The following SNX13 variants were observed in gnomAD, a reference collection of about 807,000 sequenced individuals.
SNX13 encodes sorting nexin-13.
A neutral mutation model predicts 133.6 loss-of-function variants in SNX13; 45 were observed. The observed-to-expected ratio is 0.34, with a 90% CI of 0.27 to 0.43. The LOEUF is 0.43. SNX13 is among the 20% of genes least tolerant of loss of function. The probability of loss-of-function intolerance (pLI) is 1.00; values close to 1 mark genes in which losing one functional copy is unlikely to be tolerated. For synonymous variants in SNX13, 414 were observed against 373.9 expected, an observed-to-expected ratio of 1.11 and a Z score of -1.24; for missense variants, 1,032 against 1,145.1, an observed-to-expected ratio of 0.90 and a Z score of 1.43.
intron 5 of SNX13, chr7:17,882,868 AG>A (rs1481453007): frequency 1.6e-6 from 2 of 1,283,616 alleles, no homozygotes; most frequent in South Asian, 1.3e-5. Context: ...TAAACAAAAC[AG>A]GGTTCCAGGA....
At chr7:17,927,245 G>GTA (rs112102586) in intron 1 of SNX13, among the ~76,000 whole-genome samples, 99 of 148,282 alleles carry the variant, frequency 6.7e-4, no homozygotes, top group Middle Eastern at 3.5e-3. Flanking sequence ...ATATATATAT[G>GTA]TATATATATA....
intron 1 of SNX13, among the ~76,000 whole-genome samples, chr7:17,929,016 T>C (rs1052796580): frequency 3.3e-5 from 5 of 151,908 alleles, no homozygotes; most frequent in Admixed American, 2.0e-4. Context: ...TAACAAAAAA[T>C]AGAAGTTAAA....
At chr7:17,908,603 T>C (rs959321509) in intron 1 of SNX13, among the ~76,000 whole-genome samples, 2 of 152,232 alleles carry the variant, frequency 1.3e-5, no homozygotes, top group African/African-American at 4.8e-5. Flanking sequence ...ACAATAGTTA[T>C]TTATGCATAT....
intron 1 of SNX13, among the ~76,000 whole-genome samples, chr7:17,904,370 C>T (rs1798164690): frequency 6.6e-6 from 1 of 152,194 alleles, no homozygotes; most frequent in Admixed American, 6.5e-5. Flanking sequence ...AGTAACTCTT[C>T]ACAATCACAC....
At chr7:17,870,249 C>T (rs1793927661) in intron 8 of SNX13, among the ~76,000 whole-genome samples, 1 of 152,096 alleles carries the variant, frequency 6.6e-6, no homozygotes, top group Non-Finnish European at 1.5e-5. Context: ...AAAGTAGAGG[C>T]AATTAAATAG....
chr7:17,861,154 C>T (rs1297826921), intron 9 of SNX13, among the ~76,000 whole-genome samples: 3 of 152,004 alleles, frequency 2.0e-5, no homozygotes, highest in African/African-American at 7.3e-5. Context: ...TAGCTAGGAC[C>T]ACAAGTATGC....
chr7:17,859,875 T>C (rs1792426132), intron 9 of SNX13, among the ~76,000 whole-genome samples: 1 of 152,222 alleles, frequency 6.6e-6, no homozygotes, highest in Admixed American at 6.5e-5. Flanking sequence ...TGTATGTATA[T>C]ACCACATTCT....
At chr7:17,932,368 A>G (rs917093993) in intron 1 of SNX13, among the ~76,000 whole-genome samples, 6 of 152,222 alleles carry the variant, frequency 3.9e-5, no homozygotes, top group Admixed American at 1.3e-4. Context: ...TAAACACAAT[A>G]TTTAACCACA....
At chr7:17,868,522 TA>T (rs1429160964) in intron 8 of SNX13, 32 bp from the exon 9 acceptor site, 1 of 1,494,280 alleles carries the variant, frequency 6.7e-7, no homozygotes, top group Non-Finnish European at 9.2e-7. Context: ...AAAACAAATT[TA>T]ATCTATTTCT....
intron 1 of SNX13, among the ~76,000 whole-genome samples, chr7:17,932,662 TACATAAC>T (rs1461235691): frequency 6.6e-6 from 1 of 152,178 alleles, no homozygotes; most frequent in Non-Finnish European, 1.5e-5. Context: ...AATAAATATA[TACATAAC>T]ACATGGAGGT....
rs1355395039 is a variant in SNX13, at chr7:17,812,998, G to T, written c.2064+1836C>A. On this transcript the variant is annotated intron_variant, in intron 20 of 25. Transcript: ENST00000428135. ...GAGGGCTAGGGGAGGGATAGCATTAGGAGAAACACCTAATGTAGATCACAG... is the reference window on the plus strand; with the variant it reads ...GAGGGCTAGGGGAGGGATAGCATTATGAGAAACACCTAATGTAGATCACAG... 2.0e-5 allele frequency among the ~76,000 whole-genome samples: 3 copies of T among 152,194 alleles called. No homozygotes were observed. In the East Asian group the frequency reaches 5.8e-4, roughly 29 times the overall value.
intron 19 of SNX13, 52 bp downstream of exon 19, chr7:17,816,130 C>G (rs1786629576): frequency 2.0e-6 from 3 of 1,478,274 alleles, no homozygotes; most frequent in East Asian, 2.5e-5. Flanking sequence ...CATTCTACAC[C>G]TGTGTGCTAT....
intron 1 of SNX13, among the ~76,000 whole-genome samples, chr7:17,915,089 C>CA (rs1309710463): frequency 6.6e-6 from 1 of 152,096 alleles, no homozygotes; most frequent in African/African-American, 2.4e-5. Flanking sequence ...TCAAATAAAA[C>CA]AAACTTTAAA....
intron 1 of SNX13, among the ~76,000 whole-genome samples, chr7:17,910,014 C>G (rs1272284005): frequency 6.6e-6 from 1 of 152,064 alleles, no homozygotes; most frequent in Non-Finnish European, 1.5e-5. Flanking sequence ...TTTAAGGACA[C>G]TCAAAACCGA....
intron 1 of SNX13, among the ~76,000 whole-genome samples, chr7:17,914,796 C>G (rs759418130): frequency 2.0e-5 from 3 of 152,104 alleles, no homozygotes; most frequent in African/African-American, 4.8e-5. Flanking sequence ...GTCTCCAGAC[C>G]CCATAAAACA....
At chr7:17,892,640 A>G (rs1464932907) in intron 3 of SNX13, among the ~76,000 whole-genome samples, 2 of 152,110 alleles carry the variant, frequency 1.3e-5, no homozygotes, top group Non-Finnish European at 2.9e-5. Flanking sequence ...TTAATGTAAA[A>G]TAATATTGGA....
rs1786278054 is a variant in SNX13, at chr7:17,813,358, C to T, written c.2064+1476G>A. On this transcript the variant is annotated intron_variant, in intron 20 of 25. Coordinates refer to ENST00000428135, the MANE Select transcript of SNX13 (RefSeq NM_015132.5). ...AACTGTTCCAAGTTGGAATTTAACT[C>T]AATCACTTCAATCATGAAATACGCA... Among the ~76,000 whole-genome samples, 4 of 152,096 alleles carry T rather than the reference C, an allele frequency of 2.6e-5. 1 individual carries two copies. The South Asian group carries it at 6.2e-4, about 24-fold the overall frequency.
intron 5 of SNX13, among the ~76,000 whole-genome samples, chr7:17,886,682 G>A (rs1368697382): frequency 6.6e-6 from 1 of 152,116 alleles, no homozygotes; most frequent in African/African-American, 2.4e-5. Flanking sequence ...TCACTTTCAA[G>A]ATCAACAACA....
chr7:17,913,943 A>G lies in SNX13; in HGVS notation c.13-16497T>C, dbSNP rs187415113. On this transcript the variant is annotated intron_variant, in intron 1 of 25. Coordinates refer to ENST00000428135, the MANE Select transcript of SNX13 (RefSeq NM_015132.5). ...AATGACAGTATAAAATTCAGAATAT[A>G]TATGGAGCAAAGAAACTCAATGAGG... is the stretch of plus-strand genomic sequence containing the variant. Among the ~76,000 whole-genome samples, 8 of 152,170 alleles carry G rather than the reference A, an allele frequency of 5.3e-5. No individual in the cohort carries two copies. In the East Asian group the frequency reaches 1.4e-3, roughly 26 times the overall value.
Sources: gnomAD v4.1 joint callset for allele counts (sites outside exome capture counted in the v4.1 genomes callset) on GRCh38, gnomAD v4.1.1 for gene constraint, MANE v1.5 for transcripts, NCBI Gene and HGNC (gene_info 2026-07-23, HGNC 2026-07-21) for gene names.